Variants in GALNT17 observed in about 807,000 individuals in gnomAD.
GALNT17 encodes UDP-GalNAc:polypeptide N-acetylgalactosaminyltransferase-like 3.
A neutral mutation model predicts 63.7 loss-of-function variants in GALNT17; 29 were observed. That is an observed-to-expected ratio of 0.46 (90% confidence interval 0.34 to 0.62). The LOEUF (loss-of-function observed/expected upper bound fraction) is 0.62. GALNT17 is among the 20% of genes least tolerant of loss of function. The pLI is 0.01. For synonymous variants in GALNT17, 305 were observed against 318.3 expected, an observed-to-expected ratio of 0.96 and a Z score of 0.45; for missense variants, 603 against 799.6, an observed-to-expected ratio of 0.75 and a Z score of 2.97.
intron 1 of GALNT17, among the ~76,000 whole-genome samples, chr7:71,157,410 C>G: frequency 6.6e-6 from 1 of 151,868 alleles, no homozygotes. Flanking sequence ...GTAATCCCAG[C>G]ACTTCGGGAG....
At position 71,511,995 on chromosome 7, in the gene GALNT17, T is replaced by C. The variant is rs1303753693; in HGVS notation, c.963-59290T>C. On this transcript the variant is annotated intron_variant, in intron 5 of 10. Transcript: ENST00000333538. ...TCTCAACACTAACCCTATGTCAATG[T>C]ACTAATTTGGGTTCCAGCCTTTTTT... Among the ~76,000 whole-genome samples the C allele has an allele frequency of 4.7e-5, 7 of 149,442 alleles. No homozygotes were observed. In the Admixed American group the frequency reaches 4.7e-4, roughly 10 times the overall value.
chr7:71,590,161 C>T (rs1370032002), intron 6 of GALNT17, among the ~76,000 whole-genome samples: 1 of 151,978 alleles, frequency 6.6e-6, no homozygotes, highest in Non-Finnish European at 1.5e-5. Flanking sequence ...ATATTTATGT[C>T]GAAGTTATAG....
At chr7:71,293,117 TAGTG>T (rs774381486) in intron 1 of GALNT17, among the ~76,000 whole-genome samples, 4 of 152,160 alleles carry the variant, frequency 2.6e-5, no homozygotes, top group Non-Finnish European at 5.9e-5. Flanking sequence ...TGCAAAAAGA[TAGTG>T]AGATTATTTT....
intron 1 of GALNT17, among the ~76,000 whole-genome samples, chr7:71,219,375 T>C (rs1053992544): frequency 6.6e-6 from 1 of 151,940 alleles, no homozygotes; most frequent in African/African-American, 2.4e-5. Context: ...GAATCTTTGG[T>C]TCTAGTAGAT....
intron 1 of GALNT17, among the ~76,000 whole-genome samples, chr7:71,296,599 G>A (rs1329826440): frequency 6.7e-6 from 1 of 149,686 alleles, no homozygotes; most frequent in African/African-American, 2.5e-5. Context: ...CTGGGCAACA[G>A]AGCGAGACTC....
intron 1 of GALNT17, among the ~76,000 whole-genome samples, chr7:71,319,972 A>C (rs1191954176): frequency 2.0e-5 from 3 of 152,180 alleles, no homozygotes; most frequent in Non-Finnish European, 4.4e-5. Context: ...GCAGCAATGC[A>C]AGCTCATTTC....
chr7:71,277,112 G>A lies in GALNT17; in HGVS notation c.239-58438G>A, dbSNP rs1790696468. On this transcript the variant is annotated intron_variant, in intron 1 of 10. Coordinates refer to ENST00000333538, the MANE Select transcript of GALNT17 (RefSeq NM_022479.3). ...CCTAAGTGTGCATCAGTGGTGGGTT[G>A]GATAAAGAAAGTATGTTATATACAC... Among the ~76,000 whole-genome samples the A allele has an allele frequency of 8.5e-5, 13 of 152,158 alleles. No homozygotes were observed. In the South Asian group the frequency reaches 2.7e-3, roughly 32 times the overall value.
chr7:71,329,693 T>TA, intron 1 of GALNT17, among the ~76,000 whole-genome samples: 1 of 152,034 alleles, frequency 6.6e-6, no homozygotes, highest in African/African-American at 2.4e-5. Flanking sequence ...TACACACTTT[T>TA]AAACAACCAG....
At chr7:71,663,931 C>A (rs530472506) in intron 6 of GALNT17, among the ~76,000 whole-genome samples, 10 of 152,268 alleles carry the variant, frequency 6.6e-5, no homozygotes, top group Non-Finnish European at 1.5e-4. Context: ...GTCTTCACAG[C>A]AGAACAGCCT....
chr7:71,423,051 A>G (rs981584256), intron 5 of GALNT17, among the ~76,000 whole-genome samples: 16 of 152,058 alleles, frequency 1.1e-4, no homozygotes, highest in Admixed American at 9.2e-4. Flanking sequence ...GTGTCTGTCC[A>G]TGTGTTCTGC....
intron 9 of GALNT17, among the ~76,000 whole-genome samples, chr7:71,693,309 C>CATATATATATATATATATAT (rs369668179): frequency 7.2e-5 from 9 of 124,166 alleles, no homozygotes; most frequent in Non-Finnish European, 9.9e-5. Context: ...CACACACACA[C>CATATATATATATATATATAT]ATATATATAT....
At chr7:71,519,693 A>G (rs1162269978) in intron 5 of GALNT17, among the ~76,000 whole-genome samples, 1 of 152,094 alleles carries the variant, frequency 6.6e-6, no homozygotes, top group Non-Finnish European at 1.5e-5. Context: ...CAAACTCCTG[A>G]CCTCAGATGA....
chr7:71,352,532 A>T (rs1314731939), intron 2 of GALNT17, among the ~76,000 whole-genome samples: 1 of 152,126 alleles, frequency 6.6e-6, no homozygotes, highest in Non-Finnish European at 1.5e-5. Flanking sequence ...TCTACTTGGG[A>T]TTTGTTAAGT....
chr7:71,184,350 A>G (rs1246502331), intron 1 of GALNT17, among the ~76,000 whole-genome samples: 2 of 151,590 alleles, frequency 1.3e-5, no homozygotes, highest in Non-Finnish European at 2.9e-5. Context: ...TACTCCAACC[A>G]CTCGATGATT....
chr7:71,468,571 CAT>C (rs1227883271), intron 5 of GALNT17, among the ~76,000 whole-genome samples: 1 of 152,086 alleles, frequency 6.6e-6, no homozygotes, highest in African/African-American at 2.4e-5. Context: ...TGCCCACCAC[CAT>C]GCCTGGCTAA....
intron 1 of GALNT17, among the ~76,000 whole-genome samples, chr7:71,298,799 C>A (rs1301209958): frequency 6.6e-6 from 1 of 151,872 alleles, no homozygotes; most frequent in Non-Finnish European, 1.5e-5. Context: ...TACCCAAATT[C>A]ATTTTGGATG....
At chr7:71,320,575 A>G (rs1272936663) in intron 1 of GALNT17, among the ~76,000 whole-genome samples, 1 of 152,192 alleles carries the variant, frequency 6.6e-6, no homozygotes, top group Non-Finnish European at 1.5e-5. Context: ...AAAGGAAGAA[A>G]TCTACATCTA....
At chr7:71,533,565 A>G (rs1020727790) in intron 5 of GALNT17, among the ~76,000 whole-genome samples, 3 of 152,198 alleles carry the variant, frequency 2.0e-5, no homozygotes, top group East Asian at 3.8e-4. Context: ...CACAGATCAC[A>G]AGTATGCTCC....
rs193169891 is a variant in GALNT17 at position 71,394,159 on chromosome 7, G to A, written c.589+5758G>A. 3.0e-4 allele frequency among the ~76,000 whole-genome samples: 46 copies of A among 152,276 alleles called. 4 individuals are homozygous for A. The highest frequency in any genetic ancestry group is 2.9e-3 in the East Asian group (15 of 5,176). ...GATGCCAGCATCTGCTTCTGGTGAG[G>A]GTTTCAGAAGCTTCCACTCATGGTA... On this transcript the variant is annotated intron_variant, in intron 3 of 10. Transcript: ENST00000333538.
Sources: allele counts gnomAD v4.1 joint callset (sites outside exome capture counted in the v4.1 genomes callset), GRCh38; gene constraint gnomAD v4.1.1; transcripts MANE v1.5; gene names NCBI Gene and HGNC (gene_info 2026-07-23, HGNC 2026-07-21).